Variants in BMP6 observed in about 807,000 individuals in gnomAD.
BMP6 encodes bone morphogenetic protein 6.
A neutral mutation model predicts 54.1 loss-of-function variants in BMP6; 17 were observed. That is an observed-to-expected ratio of 0.31 (90% CI 0.22 to 0.47). The LOEUF is 0.47. BMP6 is among the 20% of genes least tolerant of loss of function. The pLI, the probability that BMP6 is intolerant of heterozygous loss-of-function variation, is 1.00. For missense variants in BMP6, 720 were observed against 690.4 expected, an observed-to-expected ratio of 1.04 and a Z score of -0.48; for synonymous variants, 328 against 291.2, an observed-to-expected ratio of 1.13 and a Z score of -1.28.
chr6:7,763,637 C>A (rs984436735), intron 1 of BMP6, among the ~76,000 whole-genome samples: 3 of 152,134 alleles, frequency 2.0e-5, no homozygotes, highest in Non-Finnish European at 4.4e-5. Flanking sequence ...CATGGCTGGG[C>A]AGAACCTCTG....
At chr6:7,830,313 A>C (rs146544640) in intron 1 of BMP6, among the ~76,000 whole-genome samples, 66 of 152,092 alleles carry the variant, frequency 4.3e-4, no homozygotes, top group African/African-American at 1.5e-3. Flanking sequence ...CCTGGATTAA[A>C]CCTTGTTTCT....
chr6:7,783,172 G>A (rs1010144496), intron 1 of BMP6, among the ~76,000 whole-genome samples: 2 of 152,216 alleles, frequency 1.3e-5, no homozygotes, highest in Non-Finnish European at 2.9e-5. Context: ...GCATTTGTAT[G>A]ATTAGAGAAG....
intron 2 of BMP6, among the ~76,000 whole-genome samples, chr6:7,855,393 G>A (rs1171692072): frequency 6.6e-6 from 1 of 152,018 alleles, no homozygotes; most frequent in Non-Finnish European, 1.5e-5. Flanking sequence ...CATGTGTTAA[G>A]CCCCCGCAGG....
chr6:7,729,674 A>T (rs1239925143), intron 1 of BMP6, among the ~76,000 whole-genome samples: 1 of 152,208 alleles, frequency 6.6e-6, no homozygotes, highest in African/African-American at 2.4e-5. Flanking sequence ...ACACTGGCAC[A>T]GGAGATCCCA....
At chr6:7,843,420 C>CT (rs1189075828) in intron 1 of BMP6, among the ~76,000 whole-genome samples, 25 of 149,068 alleles carry the variant, frequency 1.7e-4, no homozygotes, top group Non-Finnish European at 3.7e-4. Context: ...GGAGTTAGCT[C>CT]TTTTTTTTCT....
rs1428625202 is a variant in BMP6, at chr6:7,881,308, G to GAA, written c.*967_*968dup. The GAA allele has an allele frequency of 6.6e-6, 1 of 152,632 alleles. No individual in the cohort carries two copies. The highest frequency in any genetic ancestry group is 1.5e-5 in the Non-Finnish European group (1 of 68,054). 9.5% of individuals were successfully genotyped at this position (152,632 alleles called of 1,614,324 possible). A position where few individuals can be genotyped will look rare whatever the true frequency, so the allele number is the denominator to read the frequency against. On this transcript the variant is annotated 3_prime_UTR_variant, in exon 7 of 7. Transcript: ENST00000283147. Reference sequence around the variant, plus strand: ...AACGGAAATCATGATTTCCCTTGTAGAAAGTGAGGCTCAGATTAAATTTTA... The same window carrying GAA: ...AACGGAAATCATGATTTCCCTTGTAGAAAAAGTGAGGCTCAGATTAAATTTTA...
intron 1 of BMP6, among the ~76,000 whole-genome samples, chr6:7,749,934 A>G (rs1440034934): frequency 6.6e-6 from 1 of 152,236 alleles, no homozygotes; most frequent in Non-Finnish European, 1.5e-5. Context: ...TTCATGGGCC[A>G]GATTTTGAGA....
intron 4 of BMP6, among the ~76,000 whole-genome samples, chr6:7,874,747 C>T (rs184862310): frequency 6.6e-6 from 1 of 151,956 alleles, no homozygotes; most frequent in Non-Finnish European, 1.5e-5. Flanking sequence ...GACCCTGTCT[C>T]AAAAATTTCT....
At chr6:7,738,594 G>A (rs553843001) in intron 1 of BMP6, among the ~76,000 whole-genome samples, 1 of 151,808 alleles carries the variant, frequency 6.6e-6, no homozygotes, top group Non-Finnish European at 1.5e-5. Flanking sequence ...AAGGTTCTCT[G>A]TTCCAGGTTG....
At chr6:7,831,529 T>A (rs1213637626) in intron 1 of BMP6, among the ~76,000 whole-genome samples, 1 of 152,180 alleles carries the variant, frequency 6.6e-6, no homozygotes, top group Admixed American at 6.5e-5. Flanking sequence ...GAATTAAGGA[T>A]GCAATTTAGA....
chr6:7,769,225 A>G (rs1428585899), intron 1 of BMP6, among the ~76,000 whole-genome samples: 1 of 152,230 alleles, frequency 6.6e-6, no homozygotes, highest in East Asian at 1.9e-4. Context: ...AAGTGGAACT[A>G]CACCGATCAG....
intron 1 of BMP6, among the ~76,000 whole-genome samples, chr6:7,825,948 A>G (rs955735037): frequency 6.6e-6 from 1 of 152,096 alleles, no homozygotes; most frequent in Non-Finnish European, 1.5e-5. Flanking sequence ...AGACCCTTAT[A>G]TAAAATAACT....
intron 2 of BMP6, among the ~76,000 whole-genome samples, chr6:7,848,036 C>A (rs576439242): frequency 6.6e-6 from 1 of 152,160 alleles, no homozygotes; most frequent in Non-Finnish European, 1.5e-5. Context: ...CAAGGGAAAT[C>A]TGACTTAACT....
At chr6:7,799,069 C>G (rs1223801916) in intron 1 of BMP6, among the ~76,000 whole-genome samples, 1 of 152,146 alleles carries the variant, frequency 6.6e-6, no homozygotes, top group East Asian at 1.9e-4. Flanking sequence ...CAAGCTTACT[C>G]GAAATTTCCA....
chr6:7,802,899 T>C (rs1758292762), intron 1 of BMP6, among the ~76,000 whole-genome samples: 1 of 152,204 alleles, frequency 6.6e-6, no homozygotes. Flanking sequence ...CAGACACTCA[T>C]TTATTCGTTC....
intron 1 of BMP6, among the ~76,000 whole-genome samples, chr6:7,805,899 A>G (rs1758340566): frequency 6.6e-6 from 1 of 152,234 alleles, no homozygotes; most frequent in Non-Finnish European, 1.5e-5. Flanking sequence ...TCATCATAGA[A>G]GGCACGTTTG....
At chr6:7,767,951 G>C (rs1581239158) in intron 1 of BMP6, among the ~76,000 whole-genome samples, 1 of 152,104 alleles carries the variant, frequency 6.6e-6, no homozygotes, top group Admixed American at 6.5e-5. Flanking sequence ...CCTGTGCCCT[G>C]GTCTCAGCTT....
chr6:7,865,276 C>T (rs1160596220), intron 4 of BMP6, among the ~76,000 whole-genome samples: 1 of 152,040 alleles, frequency 6.6e-6, no homozygotes, highest in Admixed American at 6.6e-5. Context: ...TGGTCTCCCC[C>T]CGCCCACCTC....
intron 2 of BMP6, among the ~76,000 whole-genome samples, chr6:7,859,608 T>A (rs1388785889): frequency 6.6e-6 from 1 of 152,130 alleles, no homozygotes; most frequent in African/African-American, 2.4e-5. Context: ...AGAATTGATG[T>A]CCTCTTACAT....
Sources: allele counts gnomAD v4.1 joint callset (sites outside exome capture counted in the v4.1 genomes callset), GRCh38; gene constraint gnomAD v4.1.1; transcripts MANE v1.5; gene names NCBI Gene and HGNC (gene_info 2026-07-23, HGNC 2026-07-21).